The following FAM227B variants were observed in gnomAD, a reference collection of about 807,000 sequenced individuals.
FAM227B encodes the protein family with sequence similarity 227 member B, also known as protein FAM227B.
Under a neutral mutation model 73.8 loss-of-function variants are expected in FAM227B, and 88 were observed. That is an observed-to-expected ratio of 1.19 (90% confidence interval 1.00 to 1.42). FAM227B has a LOEUF of 1.42. Ranked by LOEUF, FAM227B falls within the 40% of genes most tolerant of loss-of-function variation. The pLI is 0.00. For synonymous variants in FAM227B, 210 were observed against 190.5 expected (o/e 1.10, Z -0.84); for missense variants, 632 against 590.9 (o/e 1.07, Z -0.72).
At chr15:49,550,559 C>T (rs1413671257) in intron 9 of FAM227B, among the ~76,000 whole-genome samples, 1 of 151,494 alleles carries the variant, frequency 6.6e-6, no homozygotes, top group African/African-American at 2.4e-5. Flanking sequence ...CTCCTCACTT[C>T]TCAGACGGGG....
At chr15:49,555,362 A>G (rs1316079511) in intron 9 of FAM227B, among the ~76,000 whole-genome samples, 1 of 152,232 alleles carries the variant, frequency 6.6e-6, no homozygotes, top group Non-Finnish European at 1.5e-5. Context: ...TCCTTTAAGA[A>G]TGCTGAATAT....
intron 13 of FAM227B, among the ~76,000 whole-genome samples, chr15:49,358,690 C>T (rs1252151897): frequency 1.3e-5 from 2 of 150,564 alleles, no homozygotes; most frequent in Non-Finnish European, 3.0e-5. Context: ...TCAATGCCAT[C>T]CCCATCAAGC....
At chr15:49,422,386 A>G in intron 11 of FAM227B, 1 of 373,076 alleles carries the variant, frequency 2.7e-6, no homozygotes, top group East Asian at 6.1e-5. Flanking sequence ...TTACCTTAGC[A>G]ATACATATTA....
intron 11 of FAM227B, among the ~76,000 whole-genome samples, chr15:49,447,822 T>C (rs1249921239): frequency 6.6e-6 from 1 of 151,696 alleles, no homozygotes; most frequent in Non-Finnish European, 1.5e-5. Flanking sequence ...CATGAAAACA[T>C]AAAATCCAAG....
chr15:49,355,474 G>A (rs1351397120), intron 13 of FAM227B, among the ~76,000 whole-genome samples: 2 of 152,150 alleles, frequency 1.3e-5, no homozygotes, highest in Non-Finnish European at 2.9e-5. Flanking sequence ...GCGATCAACT[G>A]GAAGAAAGGG....
chr15:49,601,212 C>T (rs181637781), intron 3 of FAM227B, among the ~76,000 whole-genome samples: 36 of 150,482 alleles, frequency 2.4e-4, no homozygotes, highest in South Asian at 8.6e-4. Context: ...TTCCTCTATT[C>T]CTCTCTTCCT....
At chr15:49,431,798 C>T (rs1026987154) in intron 11 of FAM227B, among the ~76,000 whole-genome samples, 5 of 151,640 alleles carry the variant, frequency 3.3e-5, no homozygotes, top group Non-Finnish European at 5.9e-5. Context: ...CAAAGTTTCT[C>T]ATAAAATATA....
chr15:49,390,622 G>T (rs1265980491), intron 11 of FAM227B, among the ~76,000 whole-genome samples: 2 of 151,870 alleles, frequency 1.3e-5, no homozygotes, highest in East Asian at 3.9e-4. Context: ...CCTCATTTCA[G>T]GCTTTTATCC....
intron 10 of FAM227B, among the ~76,000 whole-genome samples, chr15:49,510,540 C>T (rs1260967409): frequency 1.3e-5 from 2 of 152,092 alleles, no homozygotes; most frequent in Non-Finnish European, 2.9e-5. Context: ...GTTTAATATT[C>T]TTGGAGACAT....
intron 11 of FAM227B, among the ~76,000 whole-genome samples, chr15:49,477,016 C>T (rs1190905933): frequency 6.6e-6 from 1 of 151,208 alleles, no homozygotes; most frequent in Non-Finnish European, 1.5e-5. Context: ...GCGGAGATCC[C>T]GCCACTGCAC....
At chr15:49,486,147 A>G (rs187754231) in intron 11 of FAM227B, 1 of 152,168 alleles carries the variant, frequency 6.6e-6, no homozygotes, top group African/African-American at 2.4e-5. Flanking sequence ...ATTTCAAAAT[A>G]TTTGTCATTC....
At chr15:49,584,899 C>A (rs530873474) in intron 5 of FAM227B, among the ~76,000 whole-genome samples, 51 of 152,048 alleles carry the variant, frequency 3.4e-4, no homozygotes, top group Admixed American at 3.3e-3. Context: ...TCAGAGTGAA[C>A]AGGCAACCTA....
At chr15:49,382,123 G>A (rs2046575292) in intron 11 of FAM227B, among the ~76,000 whole-genome samples, 1 of 151,774 alleles carries the variant, frequency 6.6e-6, no homozygotes, top group African/African-American at 2.4e-5. Context: ...GGTGGGGAGG[G>A]GAACAGGGCA....
intron 3 of FAM227B, among the ~76,000 whole-genome samples, chr15:49,605,687 G>A (rs1225162725): frequency 6.6e-6 from 1 of 151,910 alleles, no homozygotes; most frequent in Non-Finnish European, 1.5e-5. Flanking sequence ...ACACTGGAGT[G>A]GACCTGAAGT....
At chr15:49,494,412 T>C (rs2057417333) in intron 11 of FAM227B, among the ~76,000 whole-genome samples, 1 of 152,164 alleles carries the variant, frequency 6.6e-6, no homozygotes, top group Non-Finnish European at 1.5e-5. Flanking sequence ...TCATTCTGTG[T>C]TTAACAAGGT....
chr15:49,437,392 T>A (rs939747386), intron 11 of FAM227B, among the ~76,000 whole-genome samples: 14 of 151,606 alleles, frequency 9.2e-5, no homozygotes, highest in African/African-American at 4.8e-5. Context: ...TTCTTTCTTT[T>A]GTCCATGTCC....
intron 11 of FAM227B, among the ~76,000 whole-genome samples, chr15:49,371,650 A>G (rs1364188549): frequency 6.8e-6 from 1 of 147,968 alleles, no homozygotes; most frequent in East Asian, 1.9e-4. Context: ...TCACTTATAA[A>G]TAAATGAAAT....
intron 3 of FAM227B, among the ~76,000 whole-genome samples, chr15:49,591,236 G>A (rs183781502): frequency 2.7e-5 from 4 of 150,084 alleles, no homozygotes; most frequent in Admixed American, 6.6e-5. Context: ...CACCATGCCC[G>A]GCTAATTTTT....
intron 11 of FAM227B, among the ~76,000 whole-genome samples, chr15:49,440,420 G>C (rs1368173986): frequency 6.6e-6 from 1 of 151,652 alleles, no homozygotes; most frequent in African/African-American, 2.4e-5. Context: ...AGGAAAAAGA[G>C]ATCAGCAAAT....
Sources: allele counts gnomAD v4.1 joint callset (sites outside exome capture counted in the v4.1 genomes callset), GRCh38; gene constraint gnomAD v4.1.1; transcripts MANE v1.5; gene names NCBI Gene and HGNC (gene_info 2026-07-23, HGNC 2026-07-21).